The following DPY19L2 variants were observed in gnomAD, a reference collection of about 807,000 sequenced individuals.
DPY19L2 encodes the protein dpy-19 like 2.
DPY19L2 carries 34 observed loss-of-function variants against 97.9 expected under a neutral mutation model. That is an observed-to-expected ratio of 0.35 (90% CI 0.26 to 0.46). The LOEUF (loss-of-function observed/expected upper bound fraction) is 0.46, where lower values mean the gene tolerates loss of function less well. Among genes scored for constraint, DPY19L2 ranks in the 20% least tolerant of loss-of-function variants. The pLI, the probability that DPY19L2 is intolerant of heterozygous loss-of-function variation, is 1.00. For synonymous variants in DPY19L2, 230 were observed against 307.9 expected (o/e 0.75, Z 2.65); for missense variants, 623 against 911.4 (o/e 0.68, Z 4.07).
At position 63,621,356 on chromosome 12, in the gene DPY19L2, TAC is replaced by T. The variant is rs1888665041; in HGVS notation, c.954-21_954-20del. On this transcript the variant is annotated intron_variant, in intron 8 of 21. Transcript: ENST00000324472. ...TGAGGTCCTTAATAGAGAGAATTGATACCAGTAAGTTTCACCCTAAAAATGGG... is the reference window on the plus strand; with the variant it reads ...TGAGGTCCTTAATAGAGAGAATTGATCAGTAAGTTTCACCCTAAAAATGGG... 1 of 820,750 alleles carries T rather than the reference TAC, an allele frequency of 1.2e-6. No homozygotes were observed. Among genetic ancestry groups the T allele is most frequent in the African/African-American group, 1.7e-5 (1 of 57,494 alleles). 50.8% of individuals were successfully genotyped at this position (820,750 alleles called of 1,614,324 possible). A position where few individuals can be genotyped will look rare whatever the true frequency, so the allele number is the denominator to read the frequency against.
chr12:63,644,249 A>G (rs1893086277), intron 6 of DPY19L2, among the ~76,000 whole-genome samples, 154 bp downstream of exon 6: 1 of 152,062 alleles, frequency 6.6e-6, no homozygotes, highest in Non-Finnish European at 1.5e-5. Context: ...TTCTGGTTAC[A>G]TGATATTGGT....
rs780210845 is a variant in DPY19L2 at position 63,665,870 on chromosome 12, GA to G, written c.338-12del. 40 of 1,576,314 alleles carry G rather than the reference GA, an allele frequency of 2.5e-5. 1 individual carries two copies. The highest frequency in any genetic ancestry group is 5.8e-5 in the South Asian group (5 of 85,936). On this transcript the variant is annotated splice_polypyrimidine_tract_variant and intron_variant, in intron 1 of 21. Coordinates refer to ENST00000324472, the MANE Select transcript of DPY19L2 (RefSeq NM_173812.5). Reference sequence around the variant, plus strand: ...TTGCCACAAAGACAGCTGGAATAAAGAAAAAAAGGAAAGTCATTAATAGCTG... The same window carrying G: ...TTGCCACAAAGACAGCTGGAATAAAGAAAAAAGGAAAGTCATTAATAGCTG...
At chr12:63,572,012 A>C (rs199940321) in intron 19 of DPY19L2, among the ~76,000 whole-genome samples, 2 of 149,576 alleles carry the variant, frequency 1.3e-5, no homozygotes, top group Non-Finnish European at 3.0e-5. Context: ...TCCCCTCAGG[A>C]ACACCAAATG....
intron 21 of DPY19L2, among the ~76,000 whole-genome samples, chr12:63,561,970 T>TG (rs1876618781): frequency 6.6e-6 from 1 of 152,206 alleles, no homozygotes; most frequent in Non-Finnish European, 1.5e-5. Context: ...AGTATGGTTA[T>TG]GGATGATTCA....
chr12:63,644,639 T>C, intron 5 of DPY19L2, 143 bp from the exon 6 acceptor site: 1 of 1,313,204 alleles, frequency 7.6e-7, no homozygotes, highest in South Asian at 1.5e-5. Flanking sequence ...TGTTTAATTA[T>C]TTACCCTTAT....
chr12:63,630,150 T>C (rs1452873311), intron 6 of DPY19L2, among the ~76,000 whole-genome samples: 5 of 152,112 alleles, frequency 3.3e-5, no homozygotes, highest in Non-Finnish European at 5.9e-5. Context: ...AGGAAGAAAC[T>C]GCATCAACTA....
chr12:63,599,551 T>C (rs1884799247), intron 13 of DPY19L2, among the ~76,000 whole-genome samples: 2 of 152,152 alleles, frequency 1.3e-5, no homozygotes, highest in Non-Finnish European at 2.9e-5. Context: ...CCAAAGTACA[T>C]AATTTCAGCA....
rs1555178598 is a variant in DPY19L2, at chr12:63,563,092, C to CACCCG, written c.2127-2431_2127-2430insCGGGT. On this transcript the variant is annotated intron_variant, in intron 21 of 21. Coordinates refer to ENST00000324472, the MANE Select transcript of DPY19L2 (RefSeq NM_173812.5). ...GATTACAGGCGTGAGCCAACCACTG[C>CACCCG]GCCTATTTTGTCCATTTTTAATTGG... 9.3e-5 allele frequency among the ~76,000 whole-genome samples: 14 copies of CACCCG among 151,276 alleles called. No individual in the cohort carries two copies. In the East Asian group the frequency reaches 2.1e-3, roughly 23 times the overall value.
chr12:63,618,411 TA>T (rs1888173459), intron 9 of DPY19L2, among the ~76,000 whole-genome samples, 183 bp from the exon 10 acceptor site: 2 of 151,976 alleles, frequency 1.3e-5, no homozygotes, highest in Admixed American at 6.6e-5. Context: ...TAAATAAAAA[TA>T]TTTTTTAAAT....
chr12:63,594,116 T>C lies in DPY19L2; in HGVS notation c.1551A>G (p.Ser517=), dbSNP rs775230027. ...GATAAATGTTTGTAGCTAAAACATA[T>C]GAAATATCACGAACAGTCTGTGAAT... is the stretch of plus-strand genomic sequence containing the variant. ...FIFKKTVRDI[S]YVLATNIYLR... is the part of the protein sequence containing the mutation. The change falls in exon 16 of 22, where the codon TCA becomes TCG. Residue 517 remains serine, a synonymous_variant. Coordinates refer to ENST00000324472, the MANE Select transcript of DPY19L2 (RefSeq NM_173812.5). The C allele has an allele frequency of 2.6e-6, 4 of 1,547,856 alleles. No homozygotes were observed. The highest frequency in any genetic ancestry group is 1.8e-5 in the Admixed American group (1 of 54,300).
chr12:63,616,283 T>C (rs1887807853), intron 11 of DPY19L2, among the ~76,000 whole-genome samples: 2 of 152,304 alleles, frequency 1.3e-5, no homozygotes. Flanking sequence ...AAAGTTTTCA[T>C]TAAAAGAGGT....
chr12:63,590,909 C>T, intron 16 of DPY19L2: 1 of 353,790 alleles, frequency 2.8e-6, no homozygotes, highest in South Asian at 2.1e-5. Context: ...CTTCCATATT[C>T]TGAGTAATTA....
intron 4 of DPY19L2, among the ~76,000 whole-genome samples, chr12:63,649,062 C>T (rs1384182281): frequency 3.3e-5 from 5 of 151,968 alleles, no homozygotes; most frequent in Non-Finnish European, 5.9e-5. Context: ...ATTTAAACAA[C>T]CTGCTCCTGA....
intron 4 of DPY19L2, chr12:63,651,637 T>A: frequency 2.7e-6 from 1 of 372,740 alleles, no homozygotes; most frequent in South Asian, 2.7e-5. Context: ...ATGGCAAAAA[T>A]CTCCGGCCCT....
intron 11 of DPY19L2, among the ~76,000 whole-genome samples, chr12:63,614,095 C>T (rs1393487623): frequency 6.7e-6 from 1 of 148,904 alleles, no homozygotes; most frequent in East Asian, 2.0e-4. Context: ...GAGGCTGAGG[C>T]AAGAGAATCT....
Position 63,661,499 on chromosome 12 carries a change from C to A in DPY19L2, c.451-18G>T. The A allele has an allele frequency of 6.7e-7, 1 of 1,485,730 alleles. No individual in the cohort carries two copies. The highest frequency in any genetic ancestry group is 9.0e-7 in the Non-Finnish European group (1 of 1,114,548). 92.0% of individuals were successfully genotyped at this position (1,485,730 alleles called of 1,614,324 possible). ...TAAAGTCCCTTTTTTTAAAAAAAGACATATATTGTCAATGTAATTAAAACT... is the reference window on the plus strand; with the variant it reads ...TAAAGTCCCTTTTTTTAAAAAAAGAAATATATTGTCAATGTAATTAAAACT... On this transcript the variant is annotated intron_variant, in intron 3 of 21. Transcript: ENST00000324472.
chr12:63,579,212 A>G (rs944064721), intron 19 of DPY19L2, among the ~76,000 whole-genome samples: 1 of 152,202 alleles, frequency 6.6e-6, no homozygotes, highest in Non-Finnish European at 1.5e-5. Flanking sequence ...AGAAAAAGGT[A>G]TTCCCCTGAC....
At chr12:63,611,753 A>G (rs1297793066) in intron 11 of DPY19L2, among the ~76,000 whole-genome samples, 2 of 152,108 alleles carry the variant, frequency 1.3e-5, no homozygotes, top group Non-Finnish European at 2.9e-5. Flanking sequence ...AAGAACAAAA[A>G]TAAACATAGG....
At chr12:63,634,223 T>C (rs1223034496) in intron 6 of DPY19L2, among the ~76,000 whole-genome samples, 1 of 152,034 alleles carries the variant, frequency 6.6e-6, no homozygotes, top group Non-Finnish European at 1.5e-5. Flanking sequence ...TTAAAAATAA[T>C]CAAAGTAAGA....
Sources: allele counts gnomAD v4.1 joint callset (sites outside exome capture counted in the v4.1 genomes callset), GRCh38; gene constraint gnomAD v4.1.1; transcripts MANE v1.5; gene names NCBI Gene and HGNC (gene_info 2026-07-23, HGNC 2026-07-21).